Variants in ASTN1 observed in about 807,000 individuals in gnomAD.
The protein encoded by ASTN1 is astrotactin 1.
Under a neutral mutation model 140.7 loss-of-function variants are expected in ASTN1, and 41 were observed. The ratio of observed to expected loss-of-function variants is 0.29; its 90% CI spans 0.23 to 0.38. The LOEUF is 0.38. Among genes scored for constraint, ASTN1 ranks in the 10% least tolerant of loss-of-function variants. ASTN1 has a pLI of 1.00. For missense variants in ASTN1, 1,479 were observed against 1,678.8 expected (o/e 0.88, Z 2.08); for synonymous variants, 640 against 652.2 (o/e 0.98, Z 0.29).
intron 20 of ASTN1, among the ~76,000 whole-genome samples, chr1:176,881,049 T>C (rs75954127): frequency 6.6e-6 from 1 of 152,314 alleles, no homozygotes; most frequent in East Asian, 1.9e-4. Flanking sequence ...GCAGCCCATG[T>C]ATTCTTAACT....
At chr1:177,123,694 G>A (rs528555018) in intron 1 of ASTN1, among the ~76,000 whole-genome samples, 24 of 152,220 alleles carry the variant, frequency 1.6e-4, no homozygotes, top group African/African-American at 5.3e-4. Flanking sequence ...CAGGGTTCTC[G>A]ATAGCAGACT....
intron 11 of ASTN1, among the ~76,000 whole-genome samples, chr1:176,957,375 C>T (rs1203950562): frequency 6.6e-6 from 1 of 151,988 alleles, no homozygotes; most frequent in Non-Finnish European, 1.5e-5. Context: ...TAGGTTTCTC[C>T]TAAAATTTTC....
chr1:176,991,407 C>T (rs1290601040), intron 8 of ASTN1, among the ~76,000 whole-genome samples: 4 of 119,114 alleles, frequency 3.4e-5, no homozygotes, highest in Non-Finnish European at 6.7e-5. Context: ...ACGCTAAACT[C>T]TGTCTCAAAA....
At chr1:176,877,775 A>G (rs1668624582) in intron 20 of ASTN1, among the ~76,000 whole-genome samples, 2 of 152,096 alleles carry the variant, frequency 1.3e-5, no homozygotes, top group Admixed American at 1.3e-4. Context: ...GGCTGCATTT[A>G]TTGGCAATTA....
chr1:176,977,679 T>G (rs1238964513), intron 8 of ASTN1, among the ~76,000 whole-genome samples: 1 of 152,234 alleles, frequency 6.6e-6, no homozygotes, highest in Non-Finnish European at 1.5e-5. Flanking sequence ...TAAGACCCTC[T>G]GAGGCACAGC....
At chr1:176,935,136 T>C (rs1182627949) in intron 15 of ASTN1, among the ~76,000 whole-genome samples, 1 of 152,216 alleles carries the variant, frequency 6.6e-6, no homozygotes, top group Non-Finnish European at 1.5e-5. Flanking sequence ...CCAATACCTT[T>C]TGGATCTAGC....
chr1:176,964,001 G>A (rs145999059), intron 9 of ASTN1, among the ~76,000 whole-genome samples: 5 of 152,344 alleles, frequency 3.3e-5, no homozygotes, highest in East Asian at 3.9e-4. Context: ...AAGTGGTTCT[G>A]TGAATCTGCA....
intron 19 of ASTN1, among the ~76,000 whole-genome samples, chr1:176,883,243 T>G (rs1221003717): frequency 6.6e-6 from 1 of 150,868 alleles, no homozygotes; most frequent in South Asian, 2.1e-4. Flanking sequence ...TTTTTTTTTT[T>G]TTTTTTTGAG....
chr1:177,163,357 G>A (rs77450426), intron 1 of ASTN1, among the ~76,000 whole-genome samples: 6,772 of 150,868 alleles, frequency 0.045, 209 homozygotes, highest in Non-Finnish European at 0.061. Context: ...ACAGCAAGGT[G>A]AGAGCTCCAT....
chr1:176,911,574 A>G (rs1461634567), intron 16 of ASTN1, among the ~76,000 whole-genome samples: 2 of 151,822 alleles, frequency 1.3e-5, no homozygotes, highest in African/African-American at 4.8e-5. Context: ...TTTTTTGTTA[A>G]AAACGAAGAC....
At chr1:177,065,610 T>C (rs1678315085) in intron 1 of ASTN1, among the ~76,000 whole-genome samples, 1 of 152,078 alleles carries the variant, frequency 6.6e-6, no homozygotes, top group Non-Finnish European at 1.5e-5. Context: ...GAGAACAATG[T>C]GTACAAAGGA....
intron 1 of ASTN1, among the ~76,000 whole-genome samples, chr1:177,069,971 C>T (rs1304777587): frequency 6.6e-6 from 1 of 152,084 alleles, no homozygotes; most frequent in East Asian, 1.9e-4. Flanking sequence ...CCACTGCCAC[C>T]CGACTGACTT....
At chr1:177,032,871 T>C (rs753603255) in intron 2 of ASTN1, 22 bp from the exon 3 acceptor site, 58 of 1,569,016 alleles carry the variant, frequency 3.7e-5, no homozygotes, top group Non-Finnish European at 4.8e-5. Flanking sequence ...GGACCACAGA[T>C]GGATGTGGGA....
chr1:176,867,150 A>T (rs1668156111), intron 22 of ASTN1, among the ~76,000 whole-genome samples: 1 of 152,146 alleles, frequency 6.6e-6, no homozygotes, highest in Non-Finnish European at 1.5e-5. Flanking sequence ...TTTCTTTCTG[A>T]CTCTTGAGTC....
chr1:177,037,109 T>C (rs899662596), intron 2 of ASTN1, among the ~76,000 whole-genome samples: 2 of 152,202 alleles, frequency 1.3e-5, no homozygotes, highest in Admixed American at 6.5e-5. Flanking sequence ...TATGAGGAAC[T>C]GAGCCCAGCC....
intron 4 of ASTN1, 150 bp downstream of exon 4, chr1:177,030,656 G>T: frequency 1.9e-6 from 2 of 1,037,154 alleles, no homozygotes; most frequent in Non-Finnish European, 1.4e-6. Flanking sequence ...CATTTTTTTG[G>T]TAAGTAGCAT....
At chr1:177,140,789 A>T (rs1682432094) in intron 1 of ASTN1, among the ~76,000 whole-genome samples, 1 of 152,272 alleles carries the variant, frequency 6.6e-6, no homozygotes, top group African/African-American at 2.4e-5. Flanking sequence ...CTGAGACCTC[A>T]TAGTCCTCTA....
At chr1:177,138,166 C>A (rs1473808694) in intron 1 of ASTN1, among the ~76,000 whole-genome samples, 2 of 152,180 alleles carry the variant, frequency 1.3e-5, no homozygotes, top group Admixed American at 6.5e-5. Context: ...CACTTTTGAG[C>A]CAACATATCC....
chr1:177,106,166 G>A (rs1452925370), intron 1 of ASTN1, among the ~76,000 whole-genome samples: 1 of 152,156 alleles, frequency 6.6e-6, no homozygotes, highest in Admixed American at 6.5e-5. Context: ...GTGATGATTT[G>A]AAAGAGTATG....
Sources: allele counts gnomAD v4.1 joint callset (sites outside exome capture counted in the v4.1 genomes callset), GRCh38; gene constraint gnomAD v4.1.1; transcripts MANE v1.5; gene names NCBI Gene and HGNC (gene_info 2026-07-23, HGNC 2026-07-21).